PCDHGB5: variants seen among roughly 807,000 people sequenced by gnomAD.
The protein encoded by PCDHGB5 is protocadherin gamma-B5.
PCDHGB5 carries 48 observed loss-of-function variants against 62.9 expected under a neutral mutation model. The observed-to-expected ratio is 0.76, with a 90% CI of 0.61 to 0.97. The LOEUF (loss-of-function observed/expected upper bound fraction) is 0.97. Ranked by LOEUF, PCDHGB5 falls within the 50% of genes least tolerant of loss-of-function variation. The pLI, the probability that PCDHGB5 is intolerant of heterozygous loss-of-function variation, is 0.00. For missense variants in PCDHGB5, 1,118 were observed against 1,198.6 expected (o/e 0.93, Z 0.99); for synonymous variants, 474 against 511.2 (o/e 0.93, Z 0.98).
At chr5:141,418,603 G>C in intron 1 of PCDHGB5, 1 of 1,614,020 alleles carries the variant, frequency 6.2e-7, no homozygotes, top group Non-Finnish European at 8.5e-7. Context: ...ACGTGTACAG[G>C]GTTAGCCTTC....
rs1414835001 is a variant in PCDHGB5 at position 141,476,225 on chromosome 5, A to T, written c.2398-18582A>T. 1.2e-6 allele frequency: 2 copies of T among 1,613,882 alleles called. No individual in the cohort carries two copies. Among genetic ancestry groups the T allele is most frequent in the Non-Finnish European group, 1.7e-6 (2 of 1,180,012 alleles). ...GGCTTCCACGGTCATTCACTATGAG[A>T]TCCCGGAGGAAAGAGAGAAGGGTTT... On this transcript the variant is annotated intron_variant, in intron 1 of 3. Transcript: ENST00000617380. This position sits in a 1 kb window ranked among gnomAD's most constrained non-coding sequence, Gnocchi z 7.6.
rs2093604271 is a variant in PCDHGB5, at chr5:141,398,045, G to A, written c.-83G>A. The A allele has an allele frequency of 6.7e-7, 1 of 1,498,158 alleles. No individual in the cohort carries two copies. The allele number at this position is 1,498,158 out of a possible 1,614,324, so 92.8% of individuals were successfully genotyped here. A position where few individuals can be genotyped will look rare whatever the true frequency, so the allele number is the denominator to read the frequency against. ...CTGGAACTGGAACTAAAGCCCGTTC[G>A]GAGATCCAAAAATCTACAATACAGA... On this transcript the variant is annotated 5_prime_UTR_variant, in exon 1 of 4. Transcript: ENST00000617380.
chr5:141,403,237 C>T (rs1293614874), intron 1 of PCDHGB5: 1 of 1,613,824 alleles, frequency 6.2e-7, no homozygotes, highest in Non-Finnish European at 8.5e-7. Flanking sequence ...GGGAGGAGCT[C>T]TGTGCTCAGA....
intron 1 of PCDHGB5, among the ~76,000 whole-genome samples, chr5:141,462,211 C>T (rs543979258): frequency 2.0e-5 from 3 of 151,998 alleles, no homozygotes; most frequent in South Asian, 2.1e-4. Context: ...CCGCCTGCCT[C>T]GGCCTCCCAA....
rs991408001 is a variant in PCDHGB5, at chr5:141,450,171, C to G, written c.2398-44636C>G. Among the ~76,000 whole-genome samples, 5 of 151,690 alleles carry G rather than the reference C, an allele frequency of 3.3e-5. No individual in the cohort carries two copies. In the East Asian group the frequency reaches 7.8e-4, roughly 24 times the overall value. ...ACAGGCATGTGCCACCACACTCCCACCACACCCAGCTAATTTTTGTATTTT... is the reference window on the plus strand; with the variant it reads ...ACAGGCATGTGCCACCACACTCCCAGCACACCCAGCTAATTTTTGTATTTT... On this transcript the variant is annotated intron_variant, in intron 1 of 3. Transcript: ENST00000617380.
At chr5:141,444,783 C>A (rs551686741) in intron 1 of PCDHGB5, among the ~76,000 whole-genome samples, 2 of 152,100 alleles carry the variant, frequency 1.3e-5, no homozygotes, top group Non-Finnish European at 2.9e-5. Context: ...GATCATGTTT[C>A]ATTTGTCTAT....
In PCDHGB5 at chr5:141,487,161, T is replaced by C; in HGVS notation, c.2398-7646T>C. Reference sequence around the variant, plus strand: ...CTCTCTACCTCTGTTACTCTCTTAGTGTCCTTAGAGGAAGACACTCATCCA... The same window carrying C: ...CTCTCTACCTCTGTTACTCTCTTAGCGTCCTTAGAGGAAGACACTCATCCA... On this transcript the variant is annotated intron_variant, in intron 1 of 3. Coordinates refer to ENST00000617380, the MANE Select transcript of PCDHGB5 (RefSeq NM_018925.3). This position sits in a 1 kb window ranked among gnomAD's most constrained non-coding sequence, Gnocchi z 5.0. 6.2e-7 allele frequency: 1 copy of C among 1,613,528 alleles called. No homozygotes were observed.
intron 1 of PCDHGB5, among the ~76,000 whole-genome samples, chr5:141,433,761 T>G (rs2154555909): frequency 6.7e-6 from 1 of 148,664 alleles, no homozygotes; most frequent in Admixed American, 6.8e-5. Context: ...TGCTTTAACC[T>G]GGGAGGTGGA....
chr5:141,420,405 T>C (rs1188012975), intron 1 of PCDHGB5: 7 of 1,241,232 alleles, frequency 5.6e-6, no homozygotes, highest in East Asian at 5.7e-5. Flanking sequence ...AAATTTATGG[T>C]TATCATTATT....
Position 141,466,657 on chromosome 5 carries a change from C to T in PCDHGB5, c.2398-28150C>T, listed in dbSNP as rs143657719. Among the ~76,000 whole-genome samples the T allele has an allele frequency of 1.4e-3, 211 of 152,280 alleles. 1 individual carries two copies. The highest frequency in any genetic ancestry group is 4.7e-3 in the African/African-American group (197 of 41,542). On this transcript the variant is annotated intron_variant, in intron 1 of 3. Transcript: ENST00000617380. ...TCTCCATAAACTTTTCACAAAACAT[C>T]AGTGATTTCACCGTTCTTCCACTCA...
At position 141,421,681 on chromosome 5, in the gene PCDHGB5, C is replaced by T. The variant is rs750692137; in HGVS notation, c.2397+21157C>T. 4 of 1,613,858 alleles carry T rather than the reference C, an allele frequency of 2.5e-6. No homozygotes were observed. In the South Asian group the frequency reaches 4.4e-5, roughly 18 times the overall value. Reference sequence around the variant, plus strand: ...CAGTGAGCACGCAATTCCTGGGGCGCGATTTGCTCTTCCTAATGCTAGGGA... The same window carrying T: ...CAGTGAGCACGCAATTCCTGGGGCGTGATTTGCTCTTCCTAATGCTAGGGA... On this transcript the variant is annotated intron_variant, in intron 1 of 3. Coordinates refer to ENST00000617380, the MANE Select transcript of PCDHGB5 (RefSeq NM_018925.3).
In PCDHGB5 at chr5:141,432,287, G is replaced by A. The variant is rs189131107; in HGVS notation, c.2397+31763G>A. On this transcript the variant is annotated intron_variant, in intron 1 of 3. Transcript: ENST00000617380. This position sits in a 1 kb window ranked among gnomAD's most constrained non-coding sequence, Gnocchi z 6.0. ...ATCGTCCTACGTGTCCATCAACTCC[G>A]ACACTGGGGTACTGTATGCGCTGAG... The A allele has an allele frequency of 2.3e-4, 365 of 1,614,216 alleles. 2 individuals carry two copies. In the East Asian group the frequency reaches 6.5e-3, roughly 29 times the overall value.
rs1259562533 is a variant in PCDHGB5 at position 141,482,788 on chromosome 5, G to T, written c.2398-12019G>T. 2.6e-5 allele frequency among the ~76,000 whole-genome samples: 4 copies of T among 152,184 alleles called. 1 individual carries two copies. Among genetic ancestry groups the T allele is most frequent in the Admixed American group, 2.6e-4 (4 of 15,278 alleles). ...TATCACTGAACCTTAAACTGTGTGTGTGGCCGGGTACGGTGGCTCATGCCT... is the reference window on the plus strand; with the variant it reads ...TATCACTGAACCTTAAACTGTGTGTTTGGCCGGGTACGGTGGCTCATGCCT... On this transcript the variant is annotated intron_variant, in intron 1 of 3. Transcript: ENST00000617380.
chr5:141,453,721 A>G (rs373983847), intron 1 of PCDHGB5, among the ~76,000 whole-genome samples: 4 of 152,244 alleles, frequency 2.6e-5, no homozygotes, highest in East Asian at 1.9e-4. Flanking sequence ...CTATAAAAAT[A>G]TTTGTTACTA....
chr5:141,418,862 G>C (rs749632113), intron 1 of PCDHGB5: 1 of 1,613,994 alleles, frequency 6.2e-7, no homozygotes, highest in Non-Finnish European at 8.5e-7. Context: ...TAAAGTAATT[G>C]TAGAAGTTGT....
intron 1 of PCDHGB5, among the ~76,000 whole-genome samples, chr5:141,457,171 T>C (rs1337137368): frequency 3.3e-5 from 5 of 152,216 alleles, no homozygotes; most frequent in Non-Finnish European, 7.3e-5. Flanking sequence ...GATAACCCTA[T>C]TGCAAATAGT....
Position 141,490,795 on chromosome 5 carries a change from C to G in PCDHGB5, c.2398-4012C>G. The G allele has an allele frequency of 6.2e-7, 1 of 1,614,036 alleles. No homozygotes were observed. The highest frequency in any genetic ancestry group is 1.1e-5 in the South Asian group (1 of 91,084). Reference sequence around the variant, plus strand: ...CCCAGAGGATGGACGGATCTTTGCCCAGCGTACCTTTGACTATGAATTGCT... The same window carrying G: ...CCCAGAGGATGGACGGATCTTTGCCGAGCGTACCTTTGACTATGAATTGCT... On this transcript the variant is annotated intron_variant, in intron 1 of 3. Transcript: ENST00000617380. This position sits in a 1 kb window ranked among gnomAD's most constrained non-coding sequence, Gnocchi z 5.4.
intron 1 of PCDHGB5, chr5:141,414,596 C>T: frequency 6.2e-7 from 1 of 1,613,962 alleles, no homozygotes; most frequent in Non-Finnish European, 8.5e-7. Context: ...AGGGGTGCCT[C>T]CATCTTCTCA....
chr5:141,451,606 G>A (rs2098720118), intron 1 of PCDHGB5, among the ~76,000 whole-genome samples: 1 of 152,152 alleles, frequency 6.6e-6, no homozygotes, highest in Admixed American at 6.5e-5. Flanking sequence ...ACAAGGCTAG[G>A]CATGGTGGCT....
Sources: gnomAD v4.1 joint callset for allele counts (sites outside exome capture counted in the v4.1 genomes callset) on GRCh38, gnomAD v4.1.1 for gene constraint, Gnocchi (gnomAD v3.1) non-coding constraint, MANE v1.5 for transcripts, NCBI Gene and HGNC (gene_info 2026-07-23, HGNC 2026-07-21) for gene names.